The following TBCD variants were observed in gnomAD, a reference collection of about 807,000 sequenced individuals.
The protein encoded by TBCD is tubulin folding cofactor D.
Under a neutral mutation model 169.3 loss-of-function variants are expected in TBCD, and 105 were observed. That is an observed-to-expected ratio of 0.62 (90% CI 0.53 to 0.73). The LOEUF (loss-of-function observed/expected upper bound fraction) is 0.73, where lower values mean the gene tolerates loss of function less well. Among genes scored for constraint, TBCD ranks in the 30% least tolerant of loss-of-function variants. The pLI is 0.00. For synonymous variants in TBCD, 700 were observed against 643.9 expected, an observed-to-expected ratio of 1.09 and a Z score of -1.32; for missense variants, 1,444 against 1,600.1, an observed-to-expected ratio of 0.90 and a Z score of 1.66.
intron 36 of TBCD, chr17:82,939,069 G>T (rs576738799): frequency 1.0e-4 from 51 of 491,562 alleles, no homozygotes; most frequent in Admixed American, 3.5e-4. Context: ...GAGCAGGCGA[G>T]ATTGCTTCTC....
chr17:82,844,264 C>T (rs570208020), intron 13 of TBCD, among the ~76,000 whole-genome samples: 23 of 111,182 alleles, frequency 2.1e-4, no homozygotes, highest in African/African-American at 8.3e-4. Flanking sequence ...TGCTGTGTTA[C>T]CCAGGCTGGA....
At chr17:82,826,685 G>C (rs2052878587) in intron 13 of TBCD, among the ~76,000 whole-genome samples, 1 of 152,154 alleles carries the variant, frequency 6.6e-6, no homozygotes, top group Admixed American at 6.5e-5. Flanking sequence ...CAAAGTGCTG[G>C]GATTATGGGT....
intron 34 of TBCD, among the ~76,000 whole-genome samples, chr17:82,935,739 A>T (rs1348536500): frequency 2.0e-5 from 3 of 152,176 alleles, no homozygotes; most frequent in African/African-American, 2.4e-5. Context: ...TTTGTCTTAG[A>T]TGTACGTACT....
In TBCD at chr17:82,831,610, C is replaced by T. The variant is rs1567853316; in HGVS notation, c.1318+16676C>T. On this transcript the variant is annotated intron_variant, in intron 13 of 38. Transcript: ENST00000355528. The surrounding 1 kb of genome is among the most constrained non-coding windows in gnomAD (Gnocchi z 4.6). ...CGGCCCCGGGTGAGGCAGGAAGTGT[C>T]TCGGGTCTTGGGTTCCGTAGACTGA... 6.2e-7 allele frequency: 1 copy of T among 1,614,124 alleles called. No homozygotes were observed. The highest frequency in any genetic ancestry group is 1.7e-5 in the Admixed American group (1 of 60,014).
chr17:82,938,106 G>C lies in TBCD; in HGVS notation c.3339G>C (p.Leu1113=). The C allele has an allele frequency of 6.2e-7, 1 of 1,612,810 alleles. No homozygotes were observed. Among genetic ancestry groups the C allele is most frequent in the Non-Finnish European group, 8.5e-7 (1 of 1,179,858 alleles). The part of the protein sequence containing the change: ...GDVRRQALLQ[L]CLLLCHRFPL... ...TGAGGAGGCAGGCCCTCCTGCAGCT[G>C]TGTCTGCTCCTCTGCCACCGTTTCC... The change falls in exon 36 of 39, where the codon CTG becomes CTC. Residue 1113 remains leucine, a synonymous_variant. Coordinates refer to ENST00000355528, the MANE Select transcript of TBCD (RefSeq NM_005993.5).
At chr17:82,844,904 C>T (rs1214802658) in intron 13 of TBCD, among the ~76,000 whole-genome samples, 2 of 152,182 alleles carry the variant, frequency 1.3e-5, no homozygotes, top group East Asian at 3.9e-4. Flanking sequence ...GCACCACGCA[C>T]CTGGCCTGTG....
chr17:82,812,101 C>A (rs2051483165), intron 12 of TBCD, among the ~76,000 whole-genome samples: 1 of 152,082 alleles, frequency 6.6e-6, no homozygotes, highest in Non-Finnish European at 1.5e-5. Flanking sequence ...TACCCTGGAC[C>A]TAGGAAGTAG....
At position 82,809,741 on chromosome 17, in the gene TBCD, C is replaced by T; in HGVS notation, c.1182C>T (p.Ala394=). Residue 394 remains alanine (A), a synonymous_variant, in exon 12 of 39, where the codon GCC becomes GCT. Transcript: ENST00000355528. ...IGRMAGRLPR[A]LADDVVGSVL... is the part of the protein sequence containing the mutation. Reference sequence around the variant, plus strand: ...GGATGGCTGGCAGGCTTCCCAGAGCCCTGGCGGATGATGTGGTCGGGTCTG... The same window carrying T: ...GGATGGCTGGCAGGCTTCCCAGAGCTCTGGCGGATGATGTGGTCGGGTCTG... 3 of 1,613,632 alleles carry T rather than the reference C, an allele frequency of 1.9e-6. No homozygotes were observed. The highest frequency in any genetic ancestry group is 2.2e-5 in the South Asian group (2 of 90,996).
intron 7 of TBCD, among the ~76,000 whole-genome samples, chr17:82,787,763 G>A (rs1020280579): frequency 2.6e-5 from 4 of 152,224 alleles, no homozygotes; most frequent in Non-Finnish European, 5.9e-5. Flanking sequence ...CCCTCGAAGC[G>A]TAGTTCCCTT....
Position 82,884,257 on chromosome 17 carries a change from C to T in TBCD, c.1533+55C>T. Reference sequence around the variant, plus strand: ...CCTGAAGGTGGGGGGTGGGCCTGGTCTCCCTGATGCTCCTCTGTGCACTGC... The same window carrying T: ...CCTGAAGGTGGGGGGTGGGCCTGGTTTCCCTGATGCTCCTCTGTGCACTGC... On this transcript the variant is annotated intron_variant, in intron 15 of 38. Transcript: ENST00000355528. This position sits in a 1 kb window ranked among gnomAD's most constrained non-coding sequence, Gnocchi z 4.2. The T allele has an allele frequency of 6.8e-7, 1 of 1,468,438 alleles. No individual in the cohort carries two copies. The highest frequency in any genetic ancestry group is 9.3e-7 in the Non-Finnish European group (1 of 1,070,006). The allele number at this position is 1,468,438 out of a possible 1,614,324, so 91.0% of individuals were successfully genotyped here.
chr17:82,872,634 G>C (rs996976650), intron 14 of TBCD, among the ~76,000 whole-genome samples: 2 of 152,098 alleles, frequency 1.3e-5, no homozygotes, highest in Admixed American at 6.5e-5. Context: ...TAACTAGGAA[G>C]TGAAAGCAAA....
At chr17:82,829,077 C>T (rs568980832) in intron 13 of TBCD, among the ~76,000 whole-genome samples, 5 of 148,930 alleles carry the variant, frequency 3.4e-5, no homozygotes, top group African/African-American at 7.4e-5. Context: ...AGATAGCACA[C>T]ACGCACACCC....
chr17:82,830,194 A>G (rs779901218), intron 13 of TBCD: 1 of 1,614,238 alleles, frequency 6.2e-7, no homozygotes, highest in South Asian at 1.1e-5. Flanking sequence ...CGTGTCCTGC[A>G]GCTTCGCCTT....
intron 2 of TBCD, among the ~76,000 whole-genome samples, chr17:82,757,029 AT>A (rs1364720017): frequency 6.6e-6 from 1 of 152,114 alleles, no homozygotes; most frequent in Non-Finnish European, 1.5e-5. Context: ...TTTCACACTG[AT>A]TAAAATTTTT....
chr17:82,930,592 G>C lies in TBCD; in HGVS notation c.3062G>C (p.Ser1021Thr). 6.2e-7 allele frequency: 1 copy of C among 1,613,994 alleles called. No individual in the cohort carries two copies. Among genetic ancestry groups the C allele is most frequent in the South Asian group, 1.1e-5 (1 of 91,080 alleles). The change falls in exon 33 of 39, where the codon AGC becomes ACC. Residue 1021 changes from serine to threonine, a missense_variant. By Grantham distance (58) the Ser-to-Thr change is moderately conservative. Coordinates refer to ENST00000355528, the MANE Select transcript of TBCD (RefSeq NM_005993.5). The surrounding 1 kb of genome is among the most constrained non-coding windows in gnomAD (Gnocchi z 5.2). ...CAGAGCGACCCGCAGGCCCTGGGCAGCTTCAGCGGGACCCTTCTGCAGATC... is the reference window on the plus strand; with the variant it reads ...CAGAGCGACCCGCAGGCCCTGGGCACCTTCAGCGGGACCCTTCTGCAGATC... The part of the protein sequence containing the change: ...GIQSDPQALG[S>T]FSGTLLQIFE...
At position 82,922,112 on chromosome 17, in the gene TBCD, C is replaced by T. The variant is rs1447109299; in HGVS notation, c.2178+535C>T. Among the ~76,000 whole-genome samples, 1 of 152,076 alleles carries T rather than the reference C, an allele frequency of 6.6e-6. No individual in the cohort carries two copies. Among genetic ancestry groups the T allele is most frequent in the Non-Finnish European group, 1.5e-5 (1 of 68,006 alleles). ...TGATCTCATTGCATAGATAAGAAAC[C>T]ATGGGCCCGGCGCAGTGGCGGGTGG... On this transcript the variant is annotated intron_variant, in intron 25 of 38. Coordinates refer to ENST00000355528, the MANE Select transcript of TBCD (RefSeq NM_005993.5). The surrounding 1 kb of genome is among the most constrained non-coding windows in gnomAD (Gnocchi z 4.1).
rs770014190 is a variant in TBCD at position 82,942,507 on chromosome 17, G to C, written c.*44G>C. 1 of 1,613,670 alleles carries C rather than the reference G, an allele frequency of 6.2e-7. No homozygotes were observed. The highest frequency in any genetic ancestry group is 1.1e-5 in the South Asian group (1 of 91,076). ...TACCTCACCCCTGCCTGGTGAGGATGTCTTGTTCCTGAGGGAGGCCGGTGT... is the reference window on the plus strand; with the variant it reads ...TACCTCACCCCTGCCTGGTGAGGATCTCTTGTTCCTGAGGGAGGCCGGTGT... On this transcript the variant is annotated 3_prime_UTR_variant, in exon 39 of 39. Coordinates refer to ENST00000355528, the MANE Select transcript of TBCD (RefSeq NM_005993.5).
At chr17:82,817,471 A>T (rs1023292029) in intron 13 of TBCD, among the ~76,000 whole-genome samples, 1 of 151,964 alleles carries the variant, frequency 6.6e-6, no homozygotes, top group South Asian at 2.1e-4. Flanking sequence ...TAATTTTTGT[A>T]TTTTTTATAG....
chr17:82,829,752 C>T lies in TBCD; in HGVS notation c.1318+14818C>T, dbSNP rs539281957. 10 of 194,822 alleles carry T rather than the reference C, an allele frequency of 5.1e-5. No homozygotes were observed. The South Asian group carries it at 9.5e-4, about 19-fold the overall frequency. 12.1% of individuals were successfully genotyped at this position (194,822 alleles called of 1,614,324 possible). ...TTAGTACTGAAAATGTTTTTTCTGACATTTTTTCAGTAATTGTCATTTACA... is the reference window on the plus strand; with the variant it reads ...TTAGTACTGAAAATGTTTTTTCTGATATTTTTTCAGTAATTGTCATTTACA... On this transcript the variant is annotated intron_variant, in intron 13 of 38. Coordinates refer to ENST00000355528, the MANE Select transcript of TBCD (RefSeq NM_005993.5).
Sources: allele counts gnomAD v4.1 joint callset (sites outside exome capture counted in the v4.1 genomes callset), GRCh38; gene constraint gnomAD v4.1.1; non-coding constraint Gnocchi (gnomAD v3.1); transcripts MANE v1.5; gene names NCBI Gene and HGNC (gene_info 2026-07-23, HGNC 2026-07-21).